EFTUD2: variants seen among roughly 807,000 people sequenced by gnomAD.
The protein encoded by EFTUD2 is 116 kDa U5 small nuclear ribonucleoprotein component.
A neutral mutation model predicts 114.3 loss-of-function variants in EFTUD2; 9 were observed. The ratio of observed to expected loss-of-function variants is 0.08; its 90% CI spans 0.05 to 0.14. The LOEUF (loss-of-function observed/expected upper bound fraction) is 0.14, where lower values mean the gene tolerates loss of function less well. Ranked by LOEUF, EFTUD2 falls within the 10% of genes least tolerant of loss-of-function variation. EFTUD2 has a pLI of 1.00. For missense variants in EFTUD2, 765 were observed against 1,241.2 expected (o/e 0.62, Z 5.76); for synonymous variants, 449 against 462.3 (o/e 0.97, Z 0.37).
At chr17:44,887,858 T>G in intron 2 of EFTUD2, among the ~76,000 whole-genome samples, 1 of 152,236 alleles carries the variant, frequency 6.6e-6, no homozygotes, top group East Asian at 1.9e-4. Context: ...CCCATAGTCA[T>G]ATGCAACATT....
intron 6 of EFTUD2, among the ~76,000 whole-genome samples, chr17:44,882,475 C>T (rs1464158041): frequency 6.6e-6 from 1 of 152,160 alleles, no homozygotes; most frequent in African/African-American, 2.4e-5. Flanking sequence ...AGGCTGGTCT[C>T]AAACTCCTGA....
At chr17:44,861,869 T>C (rs549970537) in intron 16 of EFTUD2, among the ~76,000 whole-genome samples, 2 of 152,288 alleles carry the variant, frequency 1.3e-5, no homozygotes, top group South Asian at 4.1e-4. Flanking sequence ...AATGCTTTGG[T>C]TTAACTTGTC....
chr17:44,875,774 A>G (rs577413205), intron 10 of EFTUD2, 160 bp downstream of exon 10: 2 of 746,058 alleles, frequency 2.7e-6, no homozygotes, highest in African/African-American at 3.5e-5. Flanking sequence ...GTGTTAAAGT[A>G]TGAAGTCAAC....
chr17:44,887,723 G>C (rs1187471149), intron 2 of EFTUD2, among the ~76,000 whole-genome samples: 2 of 152,142 alleles, frequency 1.3e-5, no homozygotes, highest in Non-Finnish European at 2.9e-5. Flanking sequence ...GTTTTTTTCT[G>C]AGATAATGGA....
chr17:44,878,599 G>C (rs1567747272), intron 9 of EFTUD2, among the ~76,000 whole-genome samples: 2 of 152,224 alleles, frequency 1.3e-5, no homozygotes, highest in South Asian at 2.1e-4. Flanking sequence ...TTACATAGGT[G>C]AATGTCCTTA....
chr17:44,867,068 T>C (rs1327751012), intron 13 of EFTUD2, among the ~76,000 whole-genome samples: 1 of 152,166 alleles, frequency 6.6e-6, no homozygotes, highest in Non-Finnish European at 1.5e-5. Flanking sequence ...GATCGTGCTA[T>C]TGCACTCCCA....
intron 19 of EFTUD2, among the ~76,000 whole-genome samples, chr17:44,857,920 C>CTTTTTTTTTTTTT (rs528299306): frequency 3.9e-5 from 5 of 127,496 alleles, no homozygotes; most frequent in African/African-American, 9.2e-5. Context: ...TTTCTTTTTC[C>CTTTTTTTTTTTTT]TTTTTTTTTT....
chr17:44,893,254 C>T (rs2051314970), intron 2 of EFTUD2, among the ~76,000 whole-genome samples: 1 of 152,068 alleles, frequency 6.6e-6, no homozygotes, highest in Non-Finnish European at 1.5e-5. Flanking sequence ...TTCCAAGCAG[C>T]TGGGACTACA....
intron 23 of EFTUD2, 193 bp from the exon 24 acceptor site, chr17:44,853,828 T>A (rs988180240): frequency 1.4e-6 from 2 of 1,423,376 alleles, no homozygotes; most frequent in African/African-American, 2.9e-5. Context: ...TAAGCATATG[T>A]TCTTAGTGTT....
At chr17:44,895,772 TC>T (rs2145585471) in intron 1 of EFTUD2, 1 of 152,348 alleles carries the variant, frequency 6.6e-6, no homozygotes, top group East Asian at 1.9e-4. Flanking sequence ...ACTACCACCT[TC>T]TTTACAGATC....
chr17:44,898,245 T>C (rs1221434068), intron 1 of EFTUD2, among the ~76,000 whole-genome samples: 2 of 152,152 alleles, frequency 1.3e-5, no homozygotes, highest in Non-Finnish European at 2.9e-5. Flanking sequence ...GAGACAGAGT[T>C]TTGCTCTTGT....
At chr17:44,851,395 A>C in intron 27 of EFTUD2, 26 bp from the exon 28 acceptor site, 1 of 1,587,608 alleles carries the variant, frequency 6.3e-7, no homozygotes. Context: ...CAAATATAAG[A>C]AAGCCCGAGG....
rs567272820 is a variant in EFTUD2, at chr17:44,852,331, G to A, written c.2715+78C>T. The A allele has an allele frequency of 3.4e-5, 54 of 1,573,694 alleles. No homozygotes were observed. The African/African-American group carries it at 6.9e-4, about 20-fold the overall frequency. On this transcript the variant is annotated intron_variant, in intron 26 of 27. Transcript: ENST00000426333. ...ATGCTGTACACCTCACTTAGGGCTTGGAGAGGGATCAGGACAGAAGGGGAT... is the reference window on the plus strand; with the variant it reads ...ATGCTGTACACCTCACTTAGGGCTTAGAGAGGGATCAGGACAGAAGGGGAT...
intron 2 of EFTUD2, among the ~76,000 whole-genome samples, chr17:44,890,008 A>G (rs1290064766): frequency 6.6e-6 from 1 of 151,960 alleles, no homozygotes; most frequent in African/African-American, 2.4e-5. Flanking sequence ...CTAATTTTTA[A>G]TTTTTTTATT....
rs563910200 is a variant in EFTUD2, at chr17:44,850,630, G to C, written c.*644C>G. 18 of 456,400 alleles carry C rather than the reference G, an allele frequency of 3.9e-5. No individual in the cohort carries two copies. The highest frequency in any genetic ancestry group is 3.1e-4 in the African/African-American group (16 of 51,588). The allele number at this position is 456,400 out of a possible 1,614,324, so 28.3% of individuals were successfully genotyped here. ...GGGGAGGCAGCAGTTTCCTGAGGAG[G>C]TGGTGGGGTAGACTTCTGATCGCAG... On this transcript the variant is annotated 3_prime_UTR_variant, in exon 28 of 28. Transcript: ENST00000426333.
Position 44,854,374 on chromosome 17 carries a change from G to A in EFTUD2, c.2260-18C>T. 6.2e-7 allele frequency: 1 copy of A among 1,610,554 alleles called. No individual in the cohort carries two copies. Among genetic ancestry groups the A allele is most frequent in the South Asian group, 1.1e-5 (1 of 90,648 alleles). On this transcript the variant is annotated intron_variant, in intron 22 of 27. Coordinates refer to ENST00000426333, the MANE Select transcript of EFTUD2 (RefSeq NM_004247.4). The surrounding 1 kb of genome is among the most constrained non-coding windows in gnomAD (Gnocchi z 4.3). ...TTGTCCACCTATAGAGAAACATGAG[G>A]CCTCCTTAGCAGTCGCCCTGGCAAC...
chr17:44,888,453 T>C (rs537176665), intron 2 of EFTUD2, among the ~76,000 whole-genome samples: 16 of 152,222 alleles, frequency 1.1e-4, no homozygotes, highest in Non-Finnish European at 1.6e-4. Context: ...AGTGATATGA[T>C]CAGACTTCTG....
intron 16 of EFTUD2, among the ~76,000 whole-genome samples, chr17:44,862,305 T>C (rs996429346): frequency 6.6e-6 from 1 of 152,144 alleles, no homozygotes; most frequent in South Asian, 2.1e-4. Flanking sequence ...CATAGTGGTG[T>C]GTGCTTGTAG....
intron 10 of EFTUD2, among the ~76,000 whole-genome samples, chr17:44,874,100 A>T (rs1555567733): frequency 6.7e-6 from 1 of 148,160 alleles, no homozygotes; most frequent in Non-Finnish European, 1.5e-5. Context: ...GGAGTACAAC[A>T]GCACAATCAT....
Sources: gnomAD v4.1 joint callset for allele counts (sites outside exome capture counted in the v4.1 genomes callset) on GRCh38, gnomAD v4.1.1 for gene constraint, Gnocchi (gnomAD v3.1) non-coding constraint, MANE v1.5 for transcripts, NCBI Gene and HGNC (gene_info 2026-07-23, HGNC 2026-07-21) for gene names.